IFNGR1: variants seen among roughly 807,000 people sequenced by gnomAD.
IFNGR1 encodes AVP, type 2.
Under a neutral mutation model 35.4 loss-of-function variants are expected in IFNGR1, and 23 were observed. The observed-to-expected ratio is 0.65, with a 90% CI of 0.47 to 0.92. The LOEUF is 0.92. Ranked by LOEUF, IFNGR1 falls within the 40% of genes least tolerant of loss-of-function variation. The probability of loss-of-function intolerance (pLI) is 0.00; values close to 1 mark genes in which losing one functional copy is unlikely to be tolerated. For missense variants in IFNGR1, 533 were observed against 583.4 expected (o/e 0.91, Z 0.89); for synonymous variants, 199 against 209.5 (o/e 0.95, Z 0.43).
rs781373355 is a variant in IFNGR1 at position 137,203,569 on chromosome 6, T to A, written c.663A>T (p.Leu221Phe). 1 of 1,613,638 alleles carries A rather than the reference T, an allele frequency of 6.2e-7. No individual in the cohort carries two copies. Among genetic ancestry groups the A allele is most frequent in the Non-Finnish European group, 8.5e-7 (1 of 1,179,580 alleles). ...SQYCVSAEGV[L>F]HVWGVTTEKS... ...TTTCAGTTGTAACACCCCACACATG[T>A]AAGACTCCTTCTGCTGAAACACAGT... is the stretch of plus-strand genomic sequence containing the variant. Residue 221 changes from leucine to phenylalanine, a missense_variant, in exon 5 of 7, where the codon TTA (leucine) becomes TTT (phenylalanine). Coordinates refer to ENST00000367739, the MANE Select transcript of IFNGR1 (RefSeq NM_000416.3).
At chr6:137,218,662 G>A in intron 1 of IFNGR1, 1 of 359,902 alleles carries the variant, frequency 2.8e-6, no homozygotes, top group Non-Finnish European at 5.3e-6. Context: ...ATGCTGATCA[G>A]GACACTCACA....
At position 137,197,525 on chromosome 6, in the gene IFNGR1, GT is replaced by G. The variant is rs1779113400; in HGVS notation, c.*505del. On this transcript the variant is annotated 3_prime_UTR_variant, in exon 7 of 7. Coordinates refer to ENST00000367739, the MANE Select transcript of IFNGR1 (RefSeq NM_000416.3). The stretch of plus-strand genomic sequence containing the variant: ...TTATTTAAAAATCTCTAACTGTAAT[GT>G]TTCATAAAAAATATACACGTTTCTA... 1 of 152,508 alleles carries G rather than the reference GT, an allele frequency of 6.6e-6. No individual in the cohort carries two copies. The highest frequency in any genetic ancestry group is 2.4e-5 in the African/African-American group (1 of 41,214). 9.4% of individuals were successfully genotyped at this position (152,508 alleles called of 1,614,324 possible).
Position 137,197,512 on chromosome 6 carries a change from C to G in IFNGR1, c.*519G>C, listed in dbSNP as rs1779112603. 6.6e-6 allele frequency: 1 copy of G among 152,374 alleles called. No homozygotes were observed. The highest frequency in any genetic ancestry group is 2.4e-5 in the African/African-American group (1 of 41,356). The allele number at this position is 152,374 out of a possible 1,614,324, so 9.4% of individuals were successfully genotyped here. On this transcript the variant is annotated 3_prime_UTR_variant, in exon 7 of 7. Coordinates refer to ENST00000367739, the MANE Select transcript of IFNGR1 (RefSeq NM_000416.3). ...GTTTTAAAATTCTTTATTTAAAAAT[C>G]TCTAACTGTAATGTTTCATAAAAAA...
intron 1 of IFNGR1, among the ~76,000 whole-genome samples, chr6:137,210,268 G>A (rs1483525787): frequency 1.3e-5 from 2 of 151,432 alleles, no homozygotes; most frequent in East Asian, 3.9e-4. Context: ...AGGCTGCAGT[G>A]AGCTGTGACT....
chr6:137,197,818 CT>C lies in IFNGR1; in HGVS notation c.*212del. On this transcript the variant is annotated 3_prime_UTR_variant, in exon 7 of 7. Transcript: ENST00000367739. The stretch of plus-strand genomic sequence containing the variant: ...ATGTAAAGGTTCATAAGTTACAATG[CT>C]TTTTTTGTTTAAAAAAAAAAAAAAG... 9.2e-6 allele frequency: 5 copies of C among 541,808 alleles called. No homozygotes were observed. Among genetic ancestry groups the C allele is most frequent in the Non-Finnish European group, 1.6e-5 (5 of 312,454 alleles). 33.6% of individuals were successfully genotyped at this position (541,808 alleles called of 1,614,324 possible). A position where few individuals can be genotyped will look rare whatever the true frequency, so the allele number is the denominator to read the frequency against.
intron 1 of IFNGR1, chr6:137,210,091 C>A: frequency 2.7e-6 from 1 of 371,566 alleles, no homozygotes; most frequent in Non-Finnish European, 4.8e-6. Context: ...TGGCCCACAC[C>A]TGTAATCCCA....
chr6:137,206,585 C>T (rs1292769706), intron 2 of IFNGR1: 3 of 409,188 alleles, frequency 7.3e-6, no homozygotes, highest in African/African-American at 6.1e-5. Context: ...TTAAACAACT[C>T]TAAATTCCAT....
chr6:137,218,596 C>A (rs896766460), intron 1 of IFNGR1: 2 of 839,528 alleles, frequency 2.4e-6, no homozygotes, highest in Non-Finnish European at 3.3e-6. Flanking sequence ...GAGTCCCCCC[C>A]CCCACCCCCG....
At chr6:137,215,358 T>A in intron 1 of IFNGR1, 3 of 1,539,098 alleles carry the variant, frequency 1.9e-6, no homozygotes, top group South Asian at 2.4e-5. Context: ...TATTACATTA[T>A]CACAATTATA....
In IFNGR1 at chr6:137,197,965, C is replaced by T. The variant is rs1779128681; in HGVS notation, c.*66G>A. ...ACAATTTCTGAGATCATAATCTTTT[C>T]ATGAAATTAAAGCAGAAAACTGTCC... is the stretch of plus-strand genomic sequence containing the variant. On this transcript the variant is annotated 3_prime_UTR_variant, in exon 7 of 7. Transcript: ENST00000367739. 22 of 1,603,984 alleles carry T rather than the reference C, an allele frequency of 1.4e-5. No homozygotes were observed. The highest frequency in any genetic ancestry group is 1.9e-5 in the Non-Finnish European group (22 of 1,172,200).
intron 5 of IFNGR1, among the ~76,000 whole-genome samples, 191 bp from the exon 6 acceptor site, chr6:137,201,199 G>A (rs1161480258): frequency 2.0e-5 from 3 of 152,156 alleles, no homozygotes; most frequent in African/African-American, 7.2e-5. Flanking sequence ...ATAGCAATAT[G>A]GTTCTTCCCA....
chr6:137,215,369 T>C lies in IFNGR1; in HGVS notation c.85+3874A>G, dbSNP rs1378957305. 3 of 1,525,030 alleles carry C rather than the reference T, an allele frequency of 2.0e-6. No homozygotes were observed. The African/African-American group carries it at 4.2e-5, about 21-fold the overall frequency. The allele number at this position is 1,525,030 out of a possible 1,614,324, so 94.5% of individuals were successfully genotyped here. ...ATTTTATTACATTATCACAATTATA[T>C]TATGGCCACTGCAAAAGTTGAACAA... On this transcript the variant is annotated intron_variant, in intron 1 of 6. Transcript: ENST00000367739.
intron 1 of IFNGR1, among the ~76,000 whole-genome samples, chr6:137,214,569 C>T (rs907362946): frequency 3.3e-5 from 5 of 152,262 alleles, no homozygotes; most frequent in Admixed American, 6.5e-5. Flanking sequence ...ATTTTTCCCT[C>T]GCACCACCAC....
In IFNGR1 at chr6:137,207,093, A is replaced by G. The variant is rs765012731; in HGVS notation, c.86-16T>C. ...GGTGTAGGCACTGTAAGAAAATAAAAAAGTAAAAGGGACAATTGTAAGAAA... is the reference window on the plus strand; with the variant it reads ...GGTGTAGGCACTGTAAGAAAATAAAGAAGTAAAAGGGACAATTGTAAGAAA... On this transcript the variant is annotated splice_polypyrimidine_tract_variant and intron_variant, in intron 1 of 6. Coordinates refer to ENST00000367739, the MANE Select transcript of IFNGR1 (RefSeq NM_000416.3). The G allele has an allele frequency of 6.2e-7, 1 of 1,613,546 alleles. No individual in the cohort carries two copies. The highest frequency in any genetic ancestry group is 1.1e-5 in the South Asian group (1 of 91,046).
At position 137,206,817 on chromosome 6, in the gene IFNGR1, T is replaced by C. The variant is rs536822903; in HGVS notation, c.200+146A>G. ...GAGGCAAGAAATATTTGGCAAAGAA[T>C]TTGCATCTTTAGTACTTTTGGACCT... On this transcript the variant is annotated intron_variant, in intron 2 of 6. Transcript: ENST00000367739. The C allele has an allele frequency of 2.4e-4, 154 of 640,056 alleles. 5 individuals are homozygous for C. The South Asian group carries it at 2.8e-3, about 12-fold the overall frequency. The allele number at this position is 640,056 out of a possible 1,614,324, so 39.6% of individuals were successfully genotyped here.
chr6:137,200,695 A>C (rs1779256258), intron 6 of IFNGR1, among the ~76,000 whole-genome samples, 186 bp downstream of exon 6: 2 of 152,258 alleles, frequency 1.3e-5, no homozygotes, highest in African/African-American at 4.8e-5. Context: ...GAATAAAAAA[A>C]AAAACAAAAT....
chr6:137,209,995 G>A (rs961367901), intron 1 of IFNGR1: 5 of 397,578 alleles, frequency 1.3e-5, no homozygotes, highest in East Asian at 3.6e-5. Context: ...CTTGAGTCAC[G>A]TAAGAGAACA....
intron 6 of IFNGR1, among the ~76,000 whole-genome samples, chr6:137,199,459 T>TTATATAAAATATATAATTTATAA (rs1491350002): frequency 2.7e-3 from 89 of 32,492 alleles, no homozygotes; most frequent in African/African-American, 0.012. Flanking sequence ...AATATATAAC[T>TTATATAAAATATATAATTTATAA]TATATTATAT....
At chr6:137,203,390 T>A in intron 5 of IFNGR1, 109 bp downstream of exon 5, 1 of 722,462 alleles carries the variant, frequency 1.4e-6, no homozygotes, top group South Asian at 1.5e-5. Flanking sequence ...TGCAAATGAA[T>A]ATTGTTAAAA....
Sources: gnomAD v4.1 joint callset for allele counts (sites outside exome capture counted in the v4.1 genomes callset) on GRCh38, gnomAD v4.1.1 for gene constraint, MANE v1.5 for transcripts, NCBI Gene and HGNC (gene_info 2026-07-23, HGNC 2026-07-21) for gene names.